Variants in CLCN5 observed in about 807,000 individuals in gnomAD.
CLCN5 encodes H(+)/Cl(-) exchange transporter 5.
CLCN5 carries 17 observed loss-of-function variants against 54.0 expected under a neutral mutation model. That is an observed-to-expected ratio of 0.31 (90% CI 0.22 to 0.47). The LOEUF is 0.47. Ranked by LOEUF, CLCN5 falls within the 20% of genes least tolerant of loss-of-function variation. The probability of loss-of-function intolerance (pLI) is 1.00; values close to 1 mark genes in which losing one functional copy is unlikely to be tolerated. For missense variants in CLCN5, 448 were observed against 646.7 expected (o/e 0.69, Z 3.33); for synonymous variants, 222 against 233.0 (o/e 0.95, Z 0.43).
intron 3 of CLCN5, among the ~76,000 whole-genome samples, chrX:50,027,294 G>T (rs1161429471): frequency 9.0e-6 from 1 of 111,546 alleles, no homozygotes; most frequent in Non-Finnish European, 1.9e-5. Flanking sequence ...GATTACAGGG[G>T]TGAGCAACCA....
chrX:50,077,092 T>C, intron 7 of CLCN5, among the ~76,000 whole-genome samples: 1 of 111,996 alleles, frequency 8.9e-6, no homozygotes, highest in African/African-American at 3.2e-5. Flanking sequence ...ATTACCCTCC[T>C]TGGTCTACAA....
chrX:49,939,126 A>G (rs1926173121), intron 3 of CLCN5, among the ~76,000 whole-genome samples: 1 of 112,023 alleles, frequency 8.9e-6, no homozygotes, highest in African/African-American at 3.3e-5. Flanking sequence ...ATCATTAAAA[A>G]GTCAGGAAAC....
At chrX:49,946,073 A>G (rs1381962302) in intron 3 of CLCN5, among the ~76,000 whole-genome samples, 1 of 111,859 alleles carries the variant, frequency 8.9e-6, no homozygotes, top group African/African-American at 3.3e-5. Flanking sequence ...TTTAAACAAG[A>G]ACCCTTCTAT....
chrX:49,984,490 A>G lies in CLCN5; in HGVS notation c.17-57826A>G, dbSNP rs781826645. Among the ~76,000 whole-genome samples, 7 of 111,905 alleles carry G rather than the reference A, an allele frequency of 6.3e-5. No individual in the cohort carries two copies. In the East Asian group the frequency reaches 2.0e-3, roughly 31 times the overall value. ...GTACTGTAAGATTATTATTTATTTA[A>G]TATTTGAACTGCTTGTGTCTTTTTT... On this transcript the variant is annotated intron_variant, in intron 3 of 14. Transcript: ENST00000376091.
intron 3 of CLCN5, among the ~76,000 whole-genome samples, chrX:49,941,766 C>T (rs782493387): frequency 3.6e-5 from 4 of 110,630 alleles, no homozygotes; most frequent in East Asian, 2.8e-4. Flanking sequence ...TCTTTCTACC[C>T]GATTCCAGTC....
intron 3 of CLCN5, among the ~76,000 whole-genome samples, chrX:49,995,642 C>T (rs970953117): frequency 1.8e-5 from 2 of 111,934 alleles, no homozygotes; most frequent in African/African-American, 6.5e-5. Context: ...ATTCATTCTG[C>T]CAATCTACCA....
At chrX:49,982,196 G>T (rs1928769026) in intron 3 of CLCN5, among the ~76,000 whole-genome samples, 1 of 110,894 alleles carries the variant, frequency 9.0e-6, no homozygotes, top group Non-Finnish European at 1.9e-5. Flanking sequence ...TAGCATAAAT[G>T]TAGAGGAGCC....
intron 3 of CLCN5, among the ~76,000 whole-genome samples, chrX:49,926,229 A>G (rs1557167988): frequency 1.8e-5 from 2 of 112,446 alleles, no homozygotes; most frequent in African/African-American, 6.5e-5. Flanking sequence ...GTTTCCATGT[A>G]TAAAGATTAT....
chrX:50,033,816 A>G (rs1931855544), intron 3 of CLCN5, among the ~76,000 whole-genome samples: 1 of 112,066 alleles, frequency 8.9e-6, no homozygotes, highest in Non-Finnish European at 1.9e-5. Flanking sequence ...CGATATAAAT[A>G]AAAGCTCTTT....
chrX:50,080,654 T>C lies in CLCN5; in HGVS notation c.664T>C (p.Phe222Leu). Residue 222 changes from phenylalanine (F) to leucine (L), a missense_variant, in exon 8 of 15, where the codon TTC becomes CTC. By Grantham distance (22) the Phe-to-Leu change is conservative. This residue lies in a region of CLCN5 where 40 missense variants were observed against 27.8 expected (regional missense o/e 1.44). Transcript: ENST00000376091. ...CGTCCTCTGGGCTCTCCTATTTGCC[T>C]TCCTTGCCGTATCTCTTGTCAAGGT... ...MYVLWALLFA[F>L]LAVSLVKVFA... 4.2e-6 allele frequency: 5 copies of C among 1,203,965 alleles called. No homozygotes were observed. Among genetic ancestry groups the C allele is most frequent in the Non-Finnish European group, 5.6e-6 (5 of 888,490 alleles).
At chrX:49,942,458 G>T (rs1269044246) in intron 3 of CLCN5, among the ~76,000 whole-genome samples, 1 of 108,342 alleles carries the variant, frequency 9.2e-6, no homozygotes, top group Non-Finnish European at 1.9e-5. Context: ...CAATGTGCAG[G>T]TTTGTTACAT....
intron 3 of CLCN5, among the ~76,000 whole-genome samples, chrX:50,041,409 C>G (rs1932210912): frequency 9.0e-6 from 1 of 110,977 alleles, no homozygotes; most frequent in African/African-American, 3.3e-5. Flanking sequence ...AATTTACAAT[C>G]TGAAAAATTA....
At chrX:49,981,869 A>G (rs1928748211) in intron 3 of CLCN5, among the ~76,000 whole-genome samples, 1 of 110,995 alleles carries the variant, frequency 9.0e-6, no homozygotes, top group Non-Finnish European at 1.9e-5. Flanking sequence ...AAGTCTTCAC[A>G]CCCAGTGTAC....
chrX:50,066,364 ATGAAC>A (rs1410879017), intron 4 of CLCN5, among the ~76,000 whole-genome samples: 1 of 111,585 alleles, frequency 9.0e-6, no homozygotes. Context: ...TATAACAATG[ATGAAC>A]TGAAAGCATA....
chrX:49,995,119 T>C (rs1313106360), intron 3 of CLCN5, among the ~76,000 whole-genome samples: 1 of 111,845 alleles, frequency 8.9e-6, no homozygotes, highest in Non-Finnish European at 1.9e-5. Context: ...GAGTAAGGTG[T>C]AGGCGGCATT....
intron 4 of CLCN5, among the ~76,000 whole-genome samples, chrX:50,045,129 G>T (rs782135360): frequency 3.6e-5 from 4 of 111,499 alleles, no homozygotes; most frequent in Non-Finnish European, 7.5e-5. Context: ...CTCTGAGGAG[G>T]TGACTAATTT....
chrX:50,084,857 A>G (rs1473273081), intron 9 of CLCN5, among the ~76,000 whole-genome samples: 1 of 111,957 alleles, frequency 8.9e-6, no homozygotes, highest in East Asian at 2.8e-4. Context: ...ACTCCACTCT[A>G]CAATATAAAA....
At chrX:49,980,896 C>T (rs1286992359) in intron 3 of CLCN5, among the ~76,000 whole-genome samples, 5 of 111,449 alleles carry the variant, frequency 4.5e-5, no homozygotes, top group African/African-American at 1.6e-4. Flanking sequence ...TGTATCAGAA[C>T]TTTATTATTT....
At chrX:49,990,685 G>A (rs1483117647) in intron 3 of CLCN5, among the ~76,000 whole-genome samples, 1 of 111,935 alleles carries the variant, frequency 8.9e-6, no homozygotes, top group African/African-American at 3.3e-5. Flanking sequence ...TGTTCTGCCT[G>A]CCTCGGCCTC....
Sources: gnomAD v4.1 joint callset for allele counts (sites outside exome capture counted in the v4.1 genomes callset) on GRCh38, gnomAD v4.1.1 for gene constraint, gnomAD v4.1.1 regional missense constraint, MANE v1.5 for transcripts, NCBI Gene and HGNC (gene_info 2026-07-23, HGNC 2026-07-21) for gene names.